Variants in FHIT observed in about 807,000 individuals in gnomAD.
FHIT encodes the protein bis(5'-adenosyl)-triphosphatase.
In FHIT, 19 loss-of-function variants were observed where a neutral mutation model predicts 17.9. The ratio of observed to expected loss-of-function variants is 1.06; its 90% CI spans 0.74 to 1.56. The LOEUF is 1.56. Among genes scored for constraint, FHIT ranks in the 40% most tolerant of loss-of-function variants. FHIT has a pLI of 0.00. For synonymous variants in FHIT, 81 were observed against 69.7 expected (o/e 1.16, Z -0.81); for missense variants, 248 against 189.2 (o/e 1.31, Z -1.82).
At chr3:59,868,413 T>C (rs1439271538) in intron 8 of FHIT, among the ~76,000 whole-genome samples, 1 of 152,214 alleles carries the variant, frequency 6.6e-6, no homozygotes, top group Non-Finnish European at 1.5e-5. Context: ...ATACAAGATA[T>C]TGCTACTTAT....
chr3:60,533,369 C>T (rs984282573), intron 5 of FHIT, among the ~76,000 whole-genome samples: 1 of 152,150 alleles, frequency 6.6e-6, no homozygotes, highest in African/African-American at 2.4e-5. Context: ...TCAGTGAACA[C>T]AGTACATTTG....
At chr3:60,971,879 A>G (rs562924458) in intron 3 of FHIT, among the ~76,000 whole-genome samples, 1 of 152,342 alleles carries the variant, frequency 6.6e-6, no homozygotes, top group South Asian at 2.1e-4. Context: ...ATCTATGTTT[A>G]CTTAGTCATA....
At chr3:60,977,322 C>G (rs1472549966) in intron 3 of FHIT, among the ~76,000 whole-genome samples, 9 of 152,152 alleles carry the variant, frequency 5.9e-5, no homozygotes, top group Admixed American at 5.9e-4. Context: ...CAAAATGAGC[C>G]ACTCTGAACC....
chr3:59,941,959 C>G (rs115278708), intron 7 of FHIT, among the ~76,000 whole-genome samples: 2 of 152,168 alleles, frequency 1.3e-5, no homozygotes, highest in Non-Finnish European at 2.9e-5. Context: ...TCACTCCTCT[C>G]GTGAACTAGA....
chr3:61,197,370 A>G (rs1194680081), intron 2 of FHIT, among the ~76,000 whole-genome samples: 1 of 152,218 alleles, frequency 6.6e-6, no homozygotes, highest in African/African-American at 2.4e-5. Flanking sequence ...AGCCAAAACT[A>G]GAAGGAATGT....
chr3:59,979,990 C>A (rs184408509), intron 7 of FHIT, among the ~76,000 whole-genome samples: 11 of 152,132 alleles, frequency 7.2e-5, no homozygotes, highest in South Asian at 4.1e-4. Context: ...ATGTGTCTGA[C>A]AGATGGCAAA....
chr3:60,381,307 A>G (rs1250402431), intron 5 of FHIT, among the ~76,000 whole-genome samples: 1 of 151,902 alleles, frequency 6.6e-6, no homozygotes, highest in Non-Finnish European at 1.5e-5. Flanking sequence ...TTGAAACCCT[A>G]TCTCTACTAA....
intron 8 of FHIT, among the ~76,000 whole-genome samples, chr3:59,916,336 T>G (rs928595522): frequency 7.9e-5 from 12 of 152,296 alleles, no homozygotes; most frequent in Admixed American, 2.6e-4. Context: ...AGCAACAGAC[T>G]GAAGGCTGCA....
At chr3:60,193,823 GGA>G (rs377452277) in intron 5 of FHIT, among the ~76,000 whole-genome samples, 9 of 152,176 alleles carry the variant, frequency 5.9e-5, no homozygotes, top group African/African-American at 2.2e-4. Flanking sequence ...AGGAAAGGAA[GGA>G]GAGAGTCCTC....
intron 8 of FHIT, among the ~76,000 whole-genome samples, chr3:59,860,749 C>T (rs1217264580): frequency 3.3e-5 from 5 of 152,012 alleles, no homozygotes. Context: ...TAAAAAGGAG[C>T]CACCAGAGAG....
intron 2 of FHIT, among the ~76,000 whole-genome samples, chr3:61,135,567 G>T (rs192716715): frequency 2.4e-4 from 35 of 147,268 alleles, no homozygotes; most frequent in Non-Finnish European, 3.7e-4. Context: ...ACCCACACTT[G>T]CATCCTTGTG....
Position 60,458,436 on chromosome 3 carries a change from T to G in FHIT, c.103+78424A>C, listed in dbSNP as rs927142115. The stretch of plus-strand genomic sequence containing the variant: ...TCACACACCACACACAGGGGCTTGT[T>G]GTGGGGTGGGGGGAGGGGGGAGGGA... On this transcript the variant is annotated intron_variant, in intron 5 of 9. Transcript: ENST00000492590. Among the ~76,000 whole-genome samples, 13 of 125,194 alleles carry G rather than the reference T, an allele frequency of 1.0e-4. No homozygotes were observed. In the South Asian group the frequency reaches 4.2e-3, roughly 40 times the overall value. 82.1% of individuals were successfully genotyped at this position (125,194 alleles called of 152,430 possible).
chr3:60,018,740 G>A (rs1284849680), intron 5 of FHIT, among the ~76,000 whole-genome samples: 2 of 152,176 alleles, frequency 1.3e-5, no homozygotes, highest in Admixed American at 6.5e-5. Flanking sequence ...CACTTTGGGA[G>A]GCCAAAGCGC....
At position 60,313,592 on chromosome 3, in the gene FHIT, T is replaced by G. The variant is rs571566652; in HGVS notation, c.103+223268A>C. 9.8e-5 allele frequency among the ~76,000 whole-genome samples: 15 copies of G among 152,354 alleles called. No homozygotes were observed. The South Asian group carries it at 2.7e-3, about 27-fold the overall frequency. On this transcript the variant is annotated intron_variant, in intron 5 of 9. Coordinates refer to ENST00000492590, the MANE Select transcript of FHIT (RefSeq NM_002012.4). ...CAACTCTCTTTTGACAAAGTGATACTGCTGTGGTGCTGGGTTGATGGCTTT... is the reference window on the plus strand; with the variant it reads ...CAACTCTCTTTTGACAAAGTGATACGGCTGTGGTGCTGGGTTGATGGCTTT...
chr3:59,846,919 A>G (rs1701742729), intron 8 of FHIT, among the ~76,000 whole-genome samples: 1 of 152,078 alleles, frequency 6.6e-6, no homozygotes, highest in South Asian at 2.1e-4. Context: ...TGGCCTGTAA[A>G]GCTTCTAATG....
chr3:59,943,294 A>T (rs985761222), intron 7 of FHIT, among the ~76,000 whole-genome samples: 2 of 151,938 alleles, frequency 1.3e-5, no homozygotes, highest in African/African-American at 4.8e-5. Flanking sequence ...TTTTTTTTTT[A>T]AACCTGGGCT....
intron 1 of FHIT, among the ~76,000 whole-genome samples, chr3:61,213,282 A>G (rs1422026401): frequency 6.6e-6 from 1 of 152,234 alleles, no homozygotes; most frequent in Non-Finnish European, 1.5e-5. Context: ...AGAGACAAAC[A>G]TAGGCTCAAA....
chr3:60,980,550 G>A (rs1219038091), intron 3 of FHIT, among the ~76,000 whole-genome samples: 1 of 152,092 alleles, frequency 6.6e-6, no homozygotes, highest in South Asian at 2.1e-4. Context: ...TCTCCTCTCT[G>A]CCTACTCATA....
At chr3:60,026,302 C>T (rs535546436) in intron 5 of FHIT, among the ~76,000 whole-genome samples, 8 of 139,848 alleles carry the variant, frequency 5.7e-5, no homozygotes, top group Middle Eastern at 3.5e-3. Context: ...AAAAGCTGAA[C>T]GAATGGTTGG....
Sources: allele counts gnomAD v4.1 joint callset (sites outside exome capture counted in the v4.1 genomes callset), GRCh38; gene constraint gnomAD v4.1.1; transcripts MANE v1.5; gene names NCBI Gene and HGNC (gene_info 2026-07-23, HGNC 2026-07-21).